EHHADH: variants seen among roughly 807,000 people sequenced by gnomAD.
The protein encoded by EHHADH is enoyl-CoA hydratase and 3-hydroxyacyl CoA dehydrogenase, also known as peroxisomal bifunctional enzyme.
In EHHADH, 48 loss-of-function variants were observed where a neutral mutation model predicts 64.4. The ratio of observed to expected loss-of-function variants is 0.75; its 90% CI spans 0.59 to 0.95. The LOEUF is 0.95. Among genes scored for constraint, EHHADH ranks in the 40% least tolerant of loss-of-function variants. The pLI, the probability that EHHADH is intolerant of heterozygous loss-of-function variation, is 0.00. For synonymous variants in EHHADH, 308 were observed against 326.7 expected (o/e 0.94, Z 0.62); for missense variants, 854 against 876.6 (o/e 0.97, Z 0.33).
At chr3:185,201,780 A>G (rs552027540) in intron 6 of EHHADH, among the ~76,000 whole-genome samples, 1 of 152,232 alleles carries the variant, frequency 6.6e-6, no homozygotes, top group South Asian at 2.1e-4. Context: ...ATTATATGCC[A>G]GAAACAAACC....
chr3:185,252,970 T>A (rs1421601063), intron 1 of EHHADH, among the ~76,000 whole-genome samples: 1 of 152,084 alleles, frequency 6.6e-6, no homozygotes, highest in Admixed American at 6.5e-5. Flanking sequence ...AACCAAATAA[T>A]CATTACTTTT....
intron 5 of EHHADH, among the ~76,000 whole-genome samples, chr3:185,208,514 C>T (rs941778079): frequency 1.3e-5 from 2 of 152,166 alleles, no homozygotes; most frequent in African/African-American, 2.4e-5. Context: ...TAATAAAAAG[C>T]CATCACTACT....
At chr3:185,209,596 T>A (rs1031935089) in intron 5 of EHHADH, among the ~76,000 whole-genome samples, 1 of 152,252 alleles carries the variant, frequency 6.6e-6, no homozygotes, top group Non-Finnish European at 1.5e-5. Context: ...GCATCTGGCA[T>A]TGAGCCCCTC....
chr3:185,228,257 A>AATAAATATAT (rs1719049698), intron 4 of EHHADH, among the ~76,000 whole-genome samples: 1 of 21,994 alleles, frequency 4.5e-5, no homozygotes, highest in Non-Finnish European at 1.1e-4. Flanking sequence ...AAAAAAAAAA[A>AATAAATATAT]ATATATATAT....
At chr3:185,212,974 G>C (rs1413471037) in intron 5 of EHHADH, among the ~76,000 whole-genome samples, 1 of 151,820 alleles carries the variant, frequency 6.6e-6, no homozygotes, top group Non-Finnish European at 1.5e-5. Context: ...ACAAAAATTA[G>C]CCGGGTGTGC....
rs763665044 is a variant in EHHADH at position 185,204,496 on chromosome 3, T to C, written c.830A>G (p.Lys277Arg). The change falls in exon 6 of 7, where the codon AAA becomes AGA. Residue 277 changes from lysine to arginine, a missense_variant. Physicochemically the swap from Lys to Arg is conservative, Grantham distance 26. Coordinates refer to ENST00000231887, the MANE Select transcript of EHHADH (RefSeq NM_001966.4). ...ALQYAFFAER[K>R]ANKWSTPSGA... ...GGAGGGAGTTGACCACTTATTTGCT[T>C]TCCTTTCAGCGAAGAAAGCATATTG... 6.2e-6 allele frequency: 10 copies of C among 1,614,060 alleles called. No individual in the cohort carries two copies. The highest frequency in any genetic ancestry group is 8.5e-6 in the Non-Finnish European group (10 of 1,180,036).
intron 4 of EHHADH, among the ~76,000 whole-genome samples, chr3:185,225,342 T>C (rs1296775062): frequency 6.6e-6 from 1 of 152,088 alleles, no homozygotes; most frequent in Non-Finnish European, 1.5e-5. Context: ...CATTAGATCA[T>C]CCTTGACTCT....
At position 185,191,696 on chromosome 3, in the gene EHHADH, G is replaced by C. The variant is rs1380924087; in HGVS notation, c.*530C>G. 1.3e-5 allele frequency: 2 copies of C among 154,518 alleles called. No homozygotes were observed. Among genetic ancestry groups the C allele is most frequent in the Non-Finnish European group, 2.9e-5 (2 of 69,830 alleles). The allele number at this position is 154,518 out of a possible 1,614,324, so 9.6% of individuals were successfully genotyped here. On this transcript the variant is annotated 3_prime_UTR_variant, in exon 7 of 7. Coordinates refer to ENST00000231887, the MANE Select transcript of EHHADH (RefSeq NM_001966.4). ...ATTTCTCCATAAACAGAAGAGGAAA[G>C]ACCAGAAGAGGAAAGGCTTGCCACA...
chr3:185,243,561 A>C (rs148298040), intron 2 of EHHADH, among the ~76,000 whole-genome samples: 1 of 152,234 alleles, frequency 6.6e-6, no homozygotes, highest in Non-Finnish European at 1.5e-5. Context: ...ATATTTTAAA[A>C]AAATTTCTGC....
chr3:185,218,789 A>G lies in EHHADH; in HGVS notation c.464-549T>C, dbSNP rs571183050. On this transcript the variant is annotated intron_variant, in intron 4 of 6. Coordinates refer to ENST00000231887, the MANE Select transcript of EHHADH (RefSeq NM_001966.4). ...TGTAATCCCAGCACTTTGGGAGGCC[A>G]AGGCGGGTGGATCACCTGAGGTCAG... 1.7e-3 allele frequency among the ~76,000 whole-genome samples: 252 copies of G among 151,696 alleles called. 3 individuals carry two copies. Among genetic ancestry groups the G allele is most frequent in the African/African-American group, 5.8e-3 (239 of 41,446 alleles).
rs765463392 is a variant in EHHADH, at chr3:185,192,387, C to A, written c.2011G>T (p.Gly671Trp). Residue 671 changes from glycine (G) to tryptophan (W), a missense_variant, in exon 7 of 7, where the codon GGG becomes TGG. Gly to Trp is a radical substitution (Grantham distance 184, BLOSUM62 -2). Coordinates refer to ENST00000231887, the MANE Select transcript of EHHADH (RefSeq NM_001966.4). ...AATTTCTCTAGAACTGTGGGCAACC[C>A]AACTGTGGAAGCATAGAACATGGGC... is the stretch of plus-strand genomic sequence containing the variant. ...GGPMFYASTV[G>W]LPTVLEKLQK... 6.2e-7 allele frequency: 1 copy of A among 1,614,176 alleles called. No individual in the cohort carries two copies. The highest frequency in any genetic ancestry group is 8.5e-7 in the Non-Finnish European group (1 of 1,180,038).
At chr3:185,208,887 G>A (rs1718466883) in intron 5 of EHHADH, among the ~76,000 whole-genome samples, 1 of 152,176 alleles carries the variant, frequency 6.6e-6, no homozygotes, top group South Asian at 2.1e-4. Context: ...AGATACAGAT[G>A]AGCCTCAGAA....
intron 2 of EHHADH, among the ~76,000 whole-genome samples, chr3:185,242,918 G>T (rs1719497135): frequency 6.6e-6 from 1 of 152,216 alleles, no homozygotes; most frequent in South Asian, 2.1e-4. Flanking sequence ...AAGTTCAGCT[G>T]CAGACTTTCG....
At chr3:185,237,411 A>AGTGAGAGCAGT (rs1332291965) in intron 2 of EHHADH, among the ~76,000 whole-genome samples, 1 of 152,216 alleles carries the variant, frequency 6.6e-6, no homozygotes, top group Admixed American at 6.5e-5. Flanking sequence ...CAAAAGAAAT[A>AGTGAGAGCAGT]GTGAGAGCAG....
chr3:185,246,104 C>T (rs541068186), intron 2 of EHHADH: 3 of 1,275,668 alleles, frequency 2.4e-6, no homozygotes, highest in Admixed American at 3.4e-5. Context: ...TCAAGGTCAT[C>T]CTCTGGTTCA....
intron 1 of EHHADH, 177 bp downstream of exon 1, chr3:185,253,772 A>AAAAG (rs1553780974): frequency 3.7e-3 from 4,899 of 1,329,892 alleles, no homozygotes; most frequent in African/African-American, 5.4e-3. Context: ...AAAAAAAAAA[A>AAAAG]AAAAGAAAAG....
At chr3:185,215,437 T>C (rs979745052) in intron 5 of EHHADH, among the ~76,000 whole-genome samples, 7 of 152,196 alleles carry the variant, frequency 4.6e-5, no homozygotes, top group African/African-American at 1.7e-4. Context: ...TTCATCCATA[T>C]GAGATTCTAA....
At chr3:185,209,989 C>T (rs893501304) in intron 5 of EHHADH, among the ~76,000 whole-genome samples, 1 of 152,186 alleles carries the variant, frequency 6.6e-6, no homozygotes, top group Non-Finnish European at 1.5e-5. Flanking sequence ...AGAATGGGGA[C>T]TCCCCCAGGG....
intron 5 of EHHADH, among the ~76,000 whole-genome samples, chr3:185,205,209 T>G (rs1718354766): frequency 6.6e-6 from 1 of 152,150 alleles, no homozygotes; most frequent in South Asian, 2.1e-4. Context: ...AGGGCATACA[T>G]GTGCAGGTTT....
Sources: gnomAD v4.1 joint callset for allele counts (sites outside exome capture counted in the v4.1 genomes callset) on GRCh38, gnomAD v4.1.1 for gene constraint, MANE v1.5 for transcripts, NCBI Gene and HGNC (gene_info 2026-07-23, HGNC 2026-07-21) for gene names.